Variants in GRIN2A observed in about 807,000 individuals in gnomAD.
GRIN2A encodes the protein glutamate ionotropic receptor NMDA type subunit 2A.
In GRIN2A, 22 loss-of-function variants were observed where a neutral mutation model predicts 113.4. The ratio of observed to expected loss-of-function variants is 0.19; its 90% CI spans 0.14 to 0.28. GRIN2A has a LOEUF of 0.28. Ranked by LOEUF, GRIN2A falls within the 10% of genes least tolerant of loss-of-function variation. The pLI, the probability that GRIN2A is intolerant of heterozygous loss-of-function variation, is 1.00. For synonymous variants in GRIN2A, 827 were observed against 738.4 expected, an observed-to-expected ratio of 1.12 and a Z score of -1.94; for missense variants, 1,502 against 1,887.0, an observed-to-expected ratio of 0.80 and a Z score of 3.78.
chr16:9,953,039 G>A (rs1397064922), intron 2 of GRIN2A, among the ~76,000 whole-genome samples: 1 of 152,148 alleles, frequency 6.6e-6, no homozygotes, highest in Non-Finnish European at 1.5e-5. Flanking sequence ...GACCACTTGA[G>A]CTTGAGTATG....
intron 2 of GRIN2A, among the ~76,000 whole-genome samples, chr16:10,148,671 A>G (rs1280214221): frequency 6.6e-6 from 1 of 152,146 alleles, no homozygotes; most frequent in Non-Finnish European, 1.5e-5. Flanking sequence ...CCATATTAAA[A>G]CTCTAACTAA....
chr16:9,932,654 A>T (rs1445266216), intron 3 of GRIN2A, among the ~76,000 whole-genome samples: 1 of 152,052 alleles, frequency 6.6e-6, no homozygotes, highest in African/African-American at 2.4e-5. Context: ...AAGTGCTGGG[A>T]TTACAAGTAT....
chr16:9,913,936 G>A lies in GRIN2A; in HGVS notation c.1008-22836C>T, dbSNP rs113249146. On this transcript the variant is annotated intron_variant, in intron 3 of 12. Transcript: ENST00000330684. ...AGGGATATTGTATTTCACCCACAGG[G>A]GTTCTTTTTACTTGTTGCTGATTTT... Among the ~76,000 whole-genome samples, 551 of 151,666 alleles carry A rather than the reference G, an allele frequency of 3.6e-3. 3 individuals carry two copies. The highest frequency in any genetic ancestry group is 0.012 in the African/African-American group (509 of 41,308).
rs2048080511 is a variant in GRIN2A, at chr16:10,086,073, G to GTCCTGCAC, written c.414+93917_414+93924dup. Among the ~76,000 whole-genome samples, 3 of 152,282 alleles carry GTCCTGCAC rather than the reference G, an allele frequency of 2.0e-5. 1 individual carries two copies. The South Asian group carries it at 6.2e-4, about 32-fold the overall frequency. ...ACCTCTACATGAAGCAAAATCCTATGTCCTGCACACAGTAGGCACTCAGAA... is the reference window on the plus strand; with the variant it reads ...ACCTCTACATGAAGCAAAATCCTATGTCCTGCACTCCTGCACACAGTAGGCACTCAGAA... On this transcript the variant is annotated intron_variant, in intron 2 of 12. Coordinates refer to ENST00000330684, the MANE Select transcript of GRIN2A (RefSeq NM_001134407.3).
Position 9,764,416 on chromosome 16 carries a change from G to T in GRIN2A, c.3128C>A (p.Thr1043Asn). ...ATACCTAGGGCTCTTTAGGGAGTGG[G>T]TCCTATTCTCTGCTGTTGCCTCATC... ...QRDEATAENR[T>N]HSLKSPRYLP... Residue 1043 changes from threonine to asparagine, a missense_variant, in exon 13 of 13, where the codon ACC becomes AAC. This residue lies in a region of GRIN2A where 832 missense variants were observed against 789.7 expected (regional missense o/e 1.05). Transcript: ENST00000330684. 1.2e-6 allele frequency: 2 copies of T among 1,614,050 alleles called. No individual in the cohort carries two copies. The highest frequency in any genetic ancestry group is 1.7e-6 in the Non-Finnish European group (2 of 1,179,914).
At chr16:9,908,601 G>A (rs2044072588) in intron 3 of GRIN2A, among the ~76,000 whole-genome samples, 1 of 152,094 alleles carries the variant, frequency 6.6e-6, no homozygotes, top group Admixed American at 6.5e-5. Flanking sequence ...AGAAGAAGAA[G>A]ACAGACCAAC....
At chr16:9,824,941 G>A (rs1053943221) in intron 9 of GRIN2A, among the ~76,000 whole-genome samples, 5 of 152,090 alleles carry the variant, frequency 3.3e-5, no homozygotes, top group African/African-American at 1.2e-4. Flanking sequence ...TGCTTGCTGC[G>A]AGAATGATTC....
chr16:9,949,985 T>C (rs1220441592), intron 2 of GRIN2A, among the ~76,000 whole-genome samples: 6 of 152,092 alleles, frequency 3.9e-5, no homozygotes, highest in Non-Finnish European at 5.9e-5. Context: ...TGAGAATCCA[T>C]TGCTACCCAA....
intron 11 of GRIN2A, among the ~76,000 whole-genome samples, chr16:9,791,306 A>G (rs1420798426): frequency 6.6e-6 from 1 of 152,136 alleles, no homozygotes; most frequent in African/African-American, 2.4e-5. Context: ...GGGAAGGAGG[A>G]ATTCCATTTT....
chr16:10,131,948 C>A (rs1325251508), intron 2 of GRIN2A, among the ~76,000 whole-genome samples: 1 of 152,142 alleles, frequency 6.6e-6, no homozygotes, highest in Non-Finnish European at 1.5e-5. Flanking sequence ...CTGCACTAAG[C>A]ATTTTACCAC....
chr16:10,052,672 C>T (rs1044359062), intron 2 of GRIN2A, among the ~76,000 whole-genome samples: 2 of 152,148 alleles, frequency 1.3e-5, no homozygotes, highest in Non-Finnish European at 2.9e-5. Context: ...TCTGTTGAGG[C>T]AGGAAGCTTC....
chr16:9,809,679 T>A (rs2042049161), intron 10 of GRIN2A, among the ~76,000 whole-genome samples: 1 of 152,166 alleles, frequency 6.6e-6, no homozygotes, highest in African/African-American at 2.4e-5. Context: ...GCCTGCGTCA[T>A]GACTTAAGCT....
At chr16:10,017,242 CAGATAATCATTACACATTA>C (rs1381847174) in intron 2 of GRIN2A, among the ~76,000 whole-genome samples, 1 of 152,104 alleles carries the variant, frequency 6.6e-6, no homozygotes, top group Non-Finnish European at 1.5e-5. Context: ...GACAAAGAAA[CAGATAATCATTACACATTA>C]AGATAATCAT....
chr16:9,756,677 C>G lies in GRIN2A; in HGVS notation c.*6472G>C, dbSNP rs143106212. ...TTAAGGTTGTTTTGAGGATCACATT[C>G]TAGGATATGCCTAGAATATCGCCTA... On this transcript the variant is annotated 3_prime_UTR_variant, in exon 13 of 13. Coordinates refer to ENST00000330684, the MANE Select transcript of GRIN2A (RefSeq NM_001134407.3). 304 of 189,754 alleles carry G rather than the reference C, an allele frequency of 1.6e-3. 2 individuals carry two copies. Among genetic ancestry groups the G allele is most frequent in the East Asian group, 0.013 (150 of 11,896 alleles). The allele number at this position is 189,754 out of a possible 1,614,324, so 11.8% of individuals were successfully genotyped here.
Position 9,849,820 on chromosome 16 carries a change from T to C in GRIN2A, c.1264A>G (p.Ile422Val). ...EEAPFVIVED[I>V]DPLTETCVRN... ...ACACACGTCTCGGTCAGGGGGTCTA[T>C]GTCTTCCACGATGACGAATGGGGCC... The change falls in exon 5 of 13, where the codon ATA (isoleucine) becomes GTA (valine). Residue 422 changes from isoleucine (I) to valine (V), a missense_variant. Coordinates refer to ENST00000330684, the MANE Select transcript of GRIN2A (RefSeq NM_001134407.3). The C allele has an allele frequency of 6.2e-7, 1 of 1,614,126 alleles. No individual in the cohort carries two copies. The highest frequency in any genetic ancestry group is 2.2e-5 in the East Asian group (1 of 44,866).
At chr16:9,954,736 A>G (rs1033242126) in intron 2 of GRIN2A, among the ~76,000 whole-genome samples, 1 of 152,190 alleles carries the variant, frequency 6.6e-6, no homozygotes, top group African/African-American at 2.4e-5. Context: ...TTGGGATTTT[A>G]ATGAGCCTTC....
chr16:10,069,307 G>C (rs548850763), intron 2 of GRIN2A, among the ~76,000 whole-genome samples: 30 of 152,188 alleles, frequency 2.0e-4, no homozygotes, highest in Non-Finnish European at 3.8e-4. Flanking sequence ...GACTCTGGTG[G>C]GGATGAGAGA....
At chr16:9,883,607 G>A (rs538724308) in intron 4 of GRIN2A, among the ~76,000 whole-genome samples, 1 of 152,172 alleles carries the variant, frequency 6.6e-6, no homozygotes, top group Admixed American at 6.5e-5. Context: ...GGACACTCCG[G>A]GGATAAGAAG....
rs1361541129 is a variant in GRIN2A at position 10,079,874 on chromosome 16, A to G, written c.414+100124T>C. On this transcript the variant is annotated intron_variant, in intron 2 of 12. Coordinates refer to ENST00000330684, the MANE Select transcript of GRIN2A (RefSeq NM_001134407.3). The stretch of plus-strand genomic sequence containing the variant: ...GCTATGATAACGCAATGGTGTAATC[A>G]GTGTGATTTTTATGTGTTTGTATCA... 2.0e-5 allele frequency among the ~76,000 whole-genome samples: 3 copies of G among 152,228 alleles called. 1 individual carries two copies. Among genetic ancestry groups the G allele is most frequent in the Admixed American group, 6.5e-5 (1 of 15,286 alleles).
Sources: allele counts gnomAD v4.1 joint callset (sites outside exome capture counted in the v4.1 genomes callset), GRCh38; gene constraint gnomAD v4.1.1; regional missense constraint gnomAD v4.1.1; transcripts MANE v1.5; gene names NCBI Gene and HGNC (gene_info 2026-07-23, HGNC 2026-07-21).